RAD51B: variants seen among roughly 807,000 people sequenced by gnomAD.
RAD51B encodes the protein RAD51 paralog B.
RAD51B carries 38 observed loss-of-function variants against 42.2 expected under a neutral mutation model. The observed-to-expected ratio is 0.90, with a 90% CI of 0.70 to 1.18. RAD51B has a LOEUF of 1.18. RAD51B is among the 50% of genes most tolerant of loss of function. RAD51B has a pLI of 0.00. For synonymous variants in RAD51B, 154 were observed against 145.2 expected (o/e 1.06, Z -0.43); for missense variants, 373 against 400.7 (o/e 0.93, Z 0.59).
At chr14:68,323,745 A>T (rs980324077) in intron 8 of RAD51B, among the ~76,000 whole-genome samples, 8 of 152,220 alleles carry the variant, frequency 5.3e-5, no homozygotes, top group African/African-American at 1.9e-4. Flanking sequence ...CAGTGAGCTG[A>T]GATCGTGCCA....
In RAD51B at chr14:68,648,036, T is replaced by TACAC. The variant is rs1555434118; in HGVS notation, c.1037-2742_1037-2739dup. 1.3e-3 allele frequency among the ~76,000 whole-genome samples: 144 copies of TACAC among 114,008 alleles called. 3 individuals carry two copies. The highest frequency in any genetic ancestry group is 4.4e-3 in the African/African-American group (133 of 29,918). 74.8% of individuals were successfully genotyped at this position (114,008 alleles called of 152,430 possible). A position where few individuals can be genotyped will look rare whatever the true frequency, so the allele number is the denominator to read the frequency against. The stretch of plus-strand genomic sequence containing the variant: ...ATATATATATACGTATATATATATA[T>TACAC]ACACACGTATATAGATGTGTGTGTG... On this transcript the variant is annotated intron_variant, in intron 10 of 11. Coordinates refer to the RAD51B transcript ENST00000488612.
At chr14:68,229,504 G>A (rs1328825038) in intron 7 of RAD51B, among the ~76,000 whole-genome samples, 3 of 152,160 alleles carry the variant, frequency 2.0e-5, no homozygotes, top group African/African-American at 7.2e-5. Flanking sequence ...ATTATGACAG[G>A]AATTTGCCAT....
At chr14:68,402,332 A>G (rs2084129683) in intron 8 of RAD51B, among the ~76,000 whole-genome samples, 2 of 152,342 alleles carry the variant, frequency 1.3e-5, no homozygotes, top group South Asian at 4.1e-4. Context: ...AAGAGAGGTA[A>G]CCAAGATTCT....
chr14:68,563,493 A>T, intron 10 of RAD51B: 4 of 985,484 alleles, frequency 4.1e-6, no homozygotes, highest in Non-Finnish European at 4.8e-6. Flanking sequence ...CTGGGGCTGA[A>T]GAAAAGAAAA....
chr14:68,193,053 A>T (rs2079298442), intron 7 of RAD51B, among the ~76,000 whole-genome samples: 2 of 152,126 alleles, frequency 1.3e-5, no homozygotes, highest in South Asian at 4.1e-4. Flanking sequence ...ATTTTTGTGG[A>T]TCTCATTCAG....
chr14:68,245,117 C>A (rs984380911), intron 7 of RAD51B, among the ~76,000 whole-genome samples: 3 of 152,200 alleles, frequency 2.0e-5, no homozygotes, highest in Admixed American at 2.0e-4. Context: ...CAGACCTACC[C>A]TGTCCTCGTC....
intron 10 of RAD51B, among the ~76,000 whole-genome samples, chr14:68,650,466 C>G (rs1426041904): frequency 6.6e-6 from 1 of 152,186 alleles, no homozygotes; most frequent in East Asian, 1.9e-4. Flanking sequence ...GCAGAAAACT[C>G]AGTTTCCTCA....
At chr14:68,598,714 G>A (rs1183926748), downstream of RAD51B, among the ~76,000 whole-genome samples, 3 of 152,218 alleles carry the variant, frequency 2.0e-5, no homozygotes, top group African/African-American at 7.2e-5. Flanking sequence ...GAAGGTTCTC[G>A]TGGGCTGTGC....
At chr14:68,439,988 A>G (rs1278445676) in intron 9 of RAD51B, among the ~76,000 whole-genome samples, 3 of 152,204 alleles carry the variant, frequency 2.0e-5, no homozygotes, top group Non-Finnish European at 4.4e-5. Flanking sequence ...GGAGCAGAGG[A>G]ACAGCTCCAA....
At chr14:68,272,659 ATATATATTTTTTTTTTTTTTTTTT>A (rs1852193975) in intron 7 of RAD51B, among the ~76,000 whole-genome samples, 1 of 16,700 alleles carries the variant, frequency 6.0e-5, no homozygotes, top group African/African-American at 2.7e-4. Flanking sequence ...ATATATATAT[ATATATATTTTTTTTTTTTTTTTTT>A]TTTTTTTTTT....
At chr14:68,607,528 G>A (rs1031665006) in intron 10 of RAD51B, among the ~76,000 whole-genome samples, 4 of 152,114 alleles carry the variant, frequency 2.6e-5, no homozygotes, top group Non-Finnish European at 5.9e-5. Context: ...CTCAGCCCAC[G>A]TCCGCCCTTT....
At chr14:68,295,905 C>T (rs1441914666) in intron 8 of RAD51B, among the ~76,000 whole-genome samples, 1 of 152,144 alleles carries the variant, frequency 6.6e-6, no homozygotes, top group Non-Finnish European at 1.5e-5. Flanking sequence ...CAGTGTGTGT[C>T]TCATACTCAC....
chr14:67,887,067 G>T lies in RAD51B; in HGVS notation c.619G>T (p.Val207Leu), dbSNP rs28908168. The part of the protein sequence containing the change: ...EEIISKGIKL[V>L]ILDSVASVVR... ...AATTATCTCAAAAGGAATTAAACTT[G>T]TGATTCTTGACTCTGTTGCTTCTGT... The change falls in exon 7 of 11, where the codon GTG becomes TTG. Residue 207 changes from valine to leucine, a missense_variant. By Grantham distance (32) the Val-to-Leu change is conservative. Coordinates refer to ENST00000471583, the MANE Select transcript of RAD51B (RefSeq NM_133510.4). The T allele has an allele frequency of 3.0e-3, 4,613 of 1,563,044 alleles. 8 individuals are homozygous for T. Among genetic ancestry groups the T allele is most frequent in the Non-Finnish European group, 3.8e-3 (4,292 of 1,142,242 alleles).
intron 7 of RAD51B, among the ~76,000 whole-genome samples, chr14:68,047,465 A>G (rs1408918228): frequency 6.6e-6 from 1 of 152,172 alleles, no homozygotes; most frequent in Admixed American, 6.5e-5. Flanking sequence ...GAACGAGGAA[A>G]AATAAAGAAG....
chr14:68,424,939 T>C (rs1566875805), intron 9 of RAD51B, among the ~76,000 whole-genome samples: 1 of 152,184 alleles, frequency 6.6e-6, no homozygotes, highest in Non-Finnish European at 1.5e-5. Flanking sequence ...CACACCTGGC[T>C]ATTTTTAAAA....
chr14:68,032,978 G>A (rs1203062337), intron 7 of RAD51B, among the ~76,000 whole-genome samples: 1 of 152,102 alleles, frequency 6.6e-6, no homozygotes, highest in Non-Finnish European at 1.5e-5. Context: ...CTTGGCCTCT[G>A]GTTTCAACCT....
chr14:67,933,943 G>C (rs995560751), intron 7 of RAD51B, among the ~76,000 whole-genome samples: 6 of 152,120 alleles, frequency 3.9e-5, no homozygotes, highest in African/African-American at 1.4e-4. Flanking sequence ...TAACAAATTT[G>C]TCTACTTTAG....
chr14:68,308,725 G>A lies in RAD51B; in HGVS notation c.853+16745G>A, dbSNP rs1162221126. 1.3e-4 allele frequency among the ~76,000 whole-genome samples: 10 copies of A among 79,708 alleles called. No homozygotes were observed. In the South Asian group the frequency reaches 2.1e-3, roughly 17 times the overall value. The allele number at this position is 79,708 out of a possible 152,430, so 52.3% of individuals were successfully genotyped here. The stretch of plus-strand genomic sequence containing the variant: ...TCATTAAAAAAAAAAAAAAAAAAAG[G>A]GCTGTTTGGGAATGAGATTTGCTAC... On this transcript the variant is annotated intron_variant, in intron 8 of 10. Transcript: ENST00000471583.
Position 68,317,030 on chromosome 14 carries a change from T to C in RAD51B, c.853+25050T>C, listed in dbSNP as rs138667437. Among the ~76,000 whole-genome samples, 40 of 152,312 alleles carry C rather than the reference T, an allele frequency of 2.6e-4. 1 individual carries two copies. The East Asian group carries it at 7.7e-3, about 29-fold the overall frequency. ...AGTGAAACAGAAATTTATGAGGCTATCTTGGGTTAAGGAAGAGGGCCACCC... is the reference window on the plus strand; with the variant it reads ...AGTGAAACAGAAATTTATGAGGCTACCTTGGGTTAAGGAAGAGGGCCACCC... On this transcript the variant is annotated intron_variant, in intron 8 of 10. Transcript: ENST00000471583.
Sources: allele counts gnomAD v4.1 joint callset (sites outside exome capture counted in the v4.1 genomes callset), GRCh38; gene constraint gnomAD v4.1.1; transcripts MANE v1.5; gene names NCBI Gene and HGNC (gene_info 2026-07-23, HGNC 2026-07-21).